The following PDGFB variants were observed in gnomAD, a reference collection of about 807,000 sequenced individuals.
PDGFB encodes platelet-derived growth factor subunit B.
A neutral mutation model predicts 29.0 loss-of-function variants in PDGFB; 6 were observed. The observed-to-expected ratio is 0.21, with a 90% CI of 0.11 to 0.41. The LOEUF is 0.41. PDGFB is among the 10% of genes least tolerant of loss of function. PDGFB has a pLI of 1.00. For synonymous variants in PDGFB, 144 were observed against 140.8 expected (o/e 1.02, Z -0.16); for missense variants, 299 against 341.8 (o/e 0.87, Z 0.99).
At chr22:39,236,014 C>A (rs1486534096) in intron 1 of PDGFB, 140 bp from the exon 2 acceptor site, 3 of 644,148 alleles carry the variant, frequency 4.7e-6, no homozygotes, top group Non-Finnish European at 8.1e-6. Flanking sequence ...AGGATCCAGG[C>A]CTGATGATCA....
At chr22:39,240,889 AG>A in intron 1 of PDGFB, 6 of 1,610,148 alleles carry the variant, frequency 3.7e-6, no homozygotes, top group Non-Finnish European at 5.1e-6. Context: ...ATTCCTGCTC[AG>A]TCAGTCTCTC....
At chr22:39,237,593 C>A (rs554351420) in intron 1 of PDGFB, among the ~76,000 whole-genome samples, 3 of 152,340 alleles carry the variant, frequency 2.0e-5, no homozygotes, top group African/African-American at 7.2e-5. Flanking sequence ...TCATTCTTTC[C>A]ACCTCAGAAG....
In PDGFB at chr22:39,236,012, G is replaced by T. The variant is rs555011668; in HGVS notation, c.64-138C>A. 1.1e-5 allele frequency: 7 copies of T among 645,578 alleles called. No individual in the cohort carries two copies. In the East Asian group the frequency reaches 1.4e-4, roughly 13 times the overall value. The allele number at this position is 645,578 out of a possible 1,614,324, so 40.0% of individuals were successfully genotyped here. A position where few individuals can be genotyped will look rare whatever the true frequency, so the allele number is the denominator to read the frequency against. On this transcript the variant is annotated intron_variant, in intron 1 of 6. Coordinates refer to ENST00000331163, the MANE Select transcript of PDGFB (RefSeq NM_002608.4). ...CAGGGAGACGGACAGGCAGGATCCA[G>T]GCCTGATGATCAGGAGCACAAAGGC...
rs896376849 is a variant in PDGFB, at chr22:39,233,290, CT to C, written c.250+144del. 1.6e-5 allele frequency: 9 copies of C among 576,722 alleles called. No homozygotes were observed. The Admixed American group carries it at 2.7e-4, about 17-fold the overall frequency. The allele number at this position is 576,722 out of a possible 1,614,324, so 35.7% of individuals were successfully genotyped here. A position where few individuals can be genotyped will look rare whatever the true frequency, so the allele number is the denominator to read the frequency against. On this transcript the variant is annotated intron_variant, in intron 3 of 6. Transcript: ENST00000331163. ...ACAGGCATTTAAGGATGGTTTTACT[CT>C]CTCAGTTCGCTCAGTCCTGAATGTG...
Position 39,223,809 on chromosome 22 carries a change from G to C in PDGFB, c.*1533C>G, listed in dbSNP as rs56031201. 2,395 of 152,724 alleles carry C rather than the reference G, an allele frequency of 0.016. 42 individuals carry two copies. The highest frequency in any genetic ancestry group is 0.041 in the Middle Eastern group (12 of 294). The allele number at this position is 152,724 out of a possible 1,614,324, so 9.5% of individuals were successfully genotyped here. A position where few individuals can be genotyped will look rare whatever the true frequency, so the allele number is the denominator to read the frequency against. On this transcript the variant is annotated 3_prime_UTR_variant, in exon 7 of 7. Coordinates refer to ENST00000331163, the MANE Select transcript of PDGFB (RefSeq NM_002608.4). ...TCACCGACTTTACAAACTGAAGGAAGCAGGTTTTGGAAGGCGGGAAGGGGG... is the reference window on the plus strand; with the variant it reads ...TCACCGACTTTACAAACTGAAGGAACCAGGTTTTGGAAGGCGGGAAGGGGG...
chr22:39,243,860 T>C lies in PDGFB; in HGVS notation c.63+41A>G. The C allele has an allele frequency of 1.3e-6, 2 of 1,542,326 alleles. No individual in the cohort carries two copies. The highest frequency in any genetic ancestry group is 1.8e-6 in the Non-Finnish European group (2 of 1,125,506). On this transcript the variant is annotated intron_variant, in intron 1 of 6. Transcript: ENST00000331163. The surrounding 1 kb of genome is among the most constrained non-coding windows in gnomAD (Gnocchi z 6.4). ...GGCGGTCAGAAGGGGGGGGCGAAGG[T>C]AATGAATGAAGAACCAGCCCCAGCC...
In PDGFB at chr22:39,243,370, C is replaced by T. The variant is rs1291888665; in HGVS notation, c.63+531G>A. 6.6e-6 allele frequency among the ~76,000 whole-genome samples: 1 copy of T among 152,020 alleles called. No homozygotes were observed. The highest frequency in any genetic ancestry group is 1.5e-5 in the Non-Finnish European group (1 of 67,980). The stretch of plus-strand genomic sequence containing the variant: ...AGACCGTGCTCTGGGGCCGGGCATG[C>T]CCTGCGCGTGCCGGAGGGCGTCCAC... On this transcript the variant is annotated intron_variant, in intron 1 of 6. Transcript: ENST00000331163. This position sits in a 1 kb window ranked among gnomAD's most constrained non-coding sequence, Gnocchi z 6.4.
chr22:39,227,500 C>G (rs1158256488), intron 5 of PDGFB, among the ~76,000 whole-genome samples: 2 of 152,220 alleles, frequency 1.3e-5, no homozygotes, highest in Non-Finnish European at 2.9e-5. Flanking sequence ...TTACCATGTA[C>G]CTGGTGCTGT....
Position 39,244,354 on chromosome 22 carries a change from G to T in PDGFB, c.-391C>A, listed in dbSNP as rs1020912808. 3 of 197,104 alleles carry T rather than the reference G, an allele frequency of 1.5e-5. No individual in the cohort carries two copies. Among genetic ancestry groups the T allele is most frequent in the Non-Finnish European group, 3.2e-5 (3 of 94,938 alleles). The allele number at this position is 197,104 out of a possible 1,614,324, so 12.2% of individuals were successfully genotyped here. A position where few individuals can be genotyped will look rare whatever the true frequency, so the allele number is the denominator to read the frequency against. ...GGCAGTCGATGGTTCGTCTTCACTC[G>T]CCGGCTACAGGCGTTTTCCTCTGCC... On this transcript the variant is annotated 5_prime_UTR_variant, in exon 1 of 7. Coordinates refer to ENST00000331163, the MANE Select transcript of PDGFB (RefSeq NM_002608.4). The surrounding 1 kb of genome is among the most constrained non-coding windows in gnomAD (Gnocchi z 4.5).
At position 39,230,178 on chromosome 22, in the gene PDGFB, C is replaced by T. The variant is rs767564036; in HGVS notation, c.507G>A (p.Thr169=). 7.4e-6 allele frequency: 12 copies of T among 1,613,962 alleles called. No homozygotes were observed. The highest frequency in any genetic ancestry group is 3.3e-5 in the Admixed American group (2 of 60,010). ...ATGCCAGGTGGTCTTCCAGCGTCAC[C>T]GTGGCCTTCTTAAAGATTGGCTTCT... ...VRKKPIFKKA[T]VTLEDHLACK... The change falls in exon 5 of 7, where the codon ACG becomes ACA. Residue 169 remains threonine, a synonymous_variant. Transcript: ENST00000331163.
chr22:39,225,792 G>A lies in PDGFB; in HGVS notation c.657C>T (p.Pro219=). 6 of 1,614,020 alleles carry A rather than the reference G, an allele frequency of 3.7e-6. No homozygotes were observed. The highest frequency in any genetic ancestry group is 5.1e-6 in the Non-Finnish European group (6 of 1,179,962). The change falls in exon 6 of 7, where the codon CCC becomes CCT. Residue 219 remains proline, a synonymous_variant. Coordinates refer to ENST00000331163, the MANE Select transcript of PDGFB (RefSeq NM_002608.4). The part of the protein sequence containing the change: ...TIRTVRVRRP[P]KGKHRKFKHT... ...GCTTGAATTTCCGGTGCTTGCCCTT[G>A]GGGGGCCGGCGGACTCGCACCGTCC...
chr22:39,230,348 G>A (rs1171370209), intron 4 of PDGFB, 120 bp from the exon 5 acceptor site: 10 of 994,202 alleles, frequency 1.0e-5, no homozygotes, highest in East Asian at 7.4e-5. Flanking sequence ...TCGAAAGCCC[G>A]GAGAGCAGGC....
At chr22:39,232,955 A>G (rs908263288) in intron 3 of PDGFB, among the ~76,000 whole-genome samples, 1 of 152,212 alleles carries the variant, frequency 6.6e-6, no homozygotes, top group African/African-American at 2.4e-5. Flanking sequence ...GCAAGGGAGC[A>G]GGAGGAAGTT....
chr22:39,231,602 G>C lies in PDGFB; in HGVS notation c.456+20C>G. 1 of 1,522,718 alleles carries C rather than the reference G, an allele frequency of 6.6e-7. No homozygotes were observed. Among genetic ancestry groups the C allele is most frequent in the Non-Finnish European group, 8.8e-7 (1 of 1,132,136 alleles). The allele number at this position is 1,522,718 out of a possible 1,614,324, so 94.3% of individuals were successfully genotyped here. On this transcript the variant is annotated intron_variant, in intron 4 of 6. Coordinates refer to ENST00000331163, the MANE Select transcript of PDGFB (RefSeq NM_002608.4). The surrounding 1 kb of genome is among the most constrained non-coding windows in gnomAD (Gnocchi z 4.3). ...ACCCACCACCGGGACCAGCCTCGGG[G>C]GGCCGCGGAGCCTACGCACCTGGAC...
rs116707415 is a variant in PDGFB, at chr22:39,235,708, T to C, written c.160+70A>G. 3.4e-3 allele frequency: 3,728 copies of C among 1,099,026 alleles called. 100 individuals carry two copies. In the African/African-American group the frequency reaches 0.051, roughly 15 times the overall value. 68.1% of individuals were successfully genotyped at this position (1,099,026 alleles called of 1,614,324 possible). On this transcript the variant is annotated intron_variant, in intron 2 of 6. Transcript: ENST00000331163. Reference sequence around the variant, plus strand: ...GACGTCAAGAAGGAGGGATGCCTCCTGTCCTGCCCCTCCCAGATCTCTTAA... The same window carrying C: ...GACGTCAAGAAGGAGGGATGCCTCCCGTCCTGCCCCTCCCAGATCTCTTAA...
chr22:39,240,980 C>T lies in PDGFB; in HGVS notation c.63+2921G>A, dbSNP rs79528760. ...TCTCTTCCTGGCTCTTGCACCAGATCCTCCAAATTCTGTTTGACCTGCCCT... is the reference window on the plus strand; with the variant it reads ...TCTCTTCCTGGCTCTTGCACCAGATTCTCCAAATTCTGTTTGACCTGCCCT... On this transcript the variant is annotated intron_variant, in intron 1 of 6. Coordinates refer to ENST00000331163, the MANE Select transcript of PDGFB (RefSeq NM_002608.4). The T allele has an allele frequency of 2.0e-3, 2,598 of 1,278,116 alleles. 63 individuals are homozygous for T. The East Asian group carries it at 0.042, about 21-fold the overall frequency. 79.2% of individuals were successfully genotyped at this position (1,278,116 alleles called of 1,614,324 possible).
chr22:39,238,847 G>A (rs138647650), intron 1 of PDGFB, among the ~76,000 whole-genome samples: 6 of 152,400 alleles, frequency 3.9e-5, no homozygotes, highest in Non-Finnish European at 8.8e-5. Context: ...AGGCATCGCT[G>A]GTGGCCACAA....
At chr22:39,240,947 T>C in intron 1 of PDGFB, 1 of 1,294,116 alleles carries the variant, frequency 7.7e-7, no homozygotes, top group Non-Finnish European at 1.1e-6. Flanking sequence ...ACACACTCTC[T>C]CTCTCTCTCT....
chr22:39,243,968 A>G lies in PDGFB; in HGVS notation c.-5T>C. The G allele has an allele frequency of 7.3e-7, 1 of 1,369,998 alleles. No homozygotes were observed. The allele number at this position is 1,369,998 out of a possible 1,614,324, so 84.9% of individuals were successfully genotyped here. On this transcript the variant is annotated 5_prime_UTR_variant, in exon 1 of 7. Transcript: ENST00000331163. The surrounding 1 kb of genome is among the most constrained non-coding windows in gnomAD (Gnocchi z 6.4). ...GAGCGCCCAGCAGCGATTCATGCCG[A>G]CTCCGGGCCCGGCCCCGCGGGGCCC...
Sources: allele counts gnomAD v4.1 joint callset (sites outside exome capture counted in the v4.1 genomes callset), GRCh38; gene constraint gnomAD v4.1.1; non-coding constraint Gnocchi (gnomAD v3.1); transcripts MANE v1.5; gene names NCBI Gene and HGNC (gene_info 2026-07-23, HGNC 2026-07-21).